ZNF704: variants seen among roughly 807,000 people sequenced by gnomAD.
The protein encoded by ZNF704 is zinc finger protein 704, also known as glucocorticoid induced gene 1.
Under a neutral mutation model 44.7 loss-of-function variants are expected in ZNF704, and 10 were observed. That is an observed-to-expected ratio of 0.22 (90% CI 0.14 to 0.38). ZNF704 has a LOEUF of 0.38. Among genes scored for constraint, ZNF704 ranks in the 10% least tolerant of loss-of-function variants. ZNF704 has a pLI of 1.00. For synonymous variants in ZNF704, 211 were observed against 207.6 expected, an observed-to-expected ratio of 1.02 and a Z score of -0.14; for missense variants, 390 against 545.5, an observed-to-expected ratio of 0.71 and a Z score of 2.84.
At chr8:80,863,703 T>C (rs1435631576) in intron 1 of ZNF704, among the ~76,000 whole-genome samples, 1 of 152,188 alleles carries the variant, frequency 6.6e-6, no homozygotes. Context: ...CGTTGAACAA[T>C]ATCCAATTAG....
At chr8:80,866,991 T>G (rs1586086468) in intron 1 of ZNF704, among the ~76,000 whole-genome samples, 1 of 152,202 alleles carries the variant, frequency 6.6e-6, no homozygotes, top group Non-Finnish European at 1.5e-5. Flanking sequence ...CTCTAATGCT[T>G]GTGTTATGGG....
intron 7 of ZNF704, 119 bp downstream of exon 7, chr8:80,659,466 T>C: frequency 1.2e-6 from 1 of 815,564 alleles, no homozygotes; most frequent in East Asian, 2.5e-5. Context: ...ATTTAAGAAA[T>C]ATAGTACTTC....
At position 80,641,303 on chromosome 8, in the gene ZNF704, C is replaced by T. The variant is rs1224150638; in HGVS notation, c.*63G>A. 2 of 1,154,376 alleles carry T rather than the reference C, an allele frequency of 1.7e-6. No individual in the cohort carries two copies. Among genetic ancestry groups the T allele is most frequent in the Non-Finnish European group, 2.5e-6 (2 of 804,892 alleles). The allele number at this position is 1,154,376 out of a possible 1,614,324, so 71.5% of individuals were successfully genotyped here. Reference sequence around the variant, plus strand: ...TCAGTAGGAAAAGCTCTTTCCAACACCTGCAGTGGCAGGCCAGGGCAGGAG... The same window carrying T: ...TCAGTAGGAAAAGCTCTTTCCAACATCTGCAGTGGCAGGCCAGGGCAGGAG... On this transcript the variant is annotated 3_prime_UTR_variant, in exon 9 of 9. Transcript: ENST00000327835.
At chr8:80,645,203 C>T (rs539454985) in intron 7 of ZNF704, 71 of 1,565,962 alleles carry the variant, frequency 4.5e-5, no homozygotes, top group Admixed American at 2.6e-4. Context: ...TTCAGCCCCG[C>T]GCCGCCAACC....
At chr8:80,864,821 A>C (rs1809127519) in intron 1 of ZNF704, among the ~76,000 whole-genome samples, 1 of 152,212 alleles carries the variant, frequency 6.6e-6, no homozygotes, top group Non-Finnish European at 1.5e-5. Flanking sequence ...CTTTATTTCC[A>C]TAGCAGCTTT....
chr8:80,678,560 A>G (rs1216716272), intron 4 of ZNF704, among the ~76,000 whole-genome samples: 1 of 152,202 alleles, frequency 6.6e-6, no homozygotes, highest in Non-Finnish European at 1.5e-5. Context: ...CAAAGACAGT[A>G]ATTCAAAATA....
intron 1 of ZNF704, among the ~76,000 whole-genome samples, chr8:80,868,106 C>T (rs986551138): frequency 4.6e-5 from 7 of 152,130 alleles, no homozygotes; most frequent in African/African-American, 1.7e-4. Context: ...TTTATTGTAT[C>T]CTTCTTATGT....
chr8:80,778,541 A>G (rs1467479020), intron 2 of ZNF704, among the ~76,000 whole-genome samples: 1 of 152,236 alleles, frequency 6.6e-6, no homozygotes, highest in Non-Finnish European at 1.5e-5. Flanking sequence ...ATTCTACCAT[A>G]AAGACACATG....
At chr8:80,879,527 T>C (rs10112204), upstream of ZNF704, among the ~76,000 whole-genome samples, 126,332 of 152,152 alleles carry the variant, frequency 0.83, 53,062 homozygotes, top group African/African-American at 0.96. Context: ...TGGGACTGGG[T>C]GTCTCTTTTA....
intron 2 of ZNF704, among the ~76,000 whole-genome samples, chr8:80,751,260 C>A (rs1323495682): frequency 6.6e-6 from 1 of 152,036 alleles, no homozygotes; most frequent in African/African-American, 2.4e-5. Flanking sequence ...CCTGGGCCAG[C>A]GTGCTGGTTC....
intron 2 of ZNF704, among the ~76,000 whole-genome samples, chr8:80,745,405 C>T (rs1806827835): frequency 6.6e-6 from 1 of 152,098 alleles, no homozygotes; most frequent in East Asian, 1.9e-4. Flanking sequence ...GTTGGTAGGG[C>T]TGTGGCAATT....
intron 1 of ZNF704, among the ~76,000 whole-genome samples, chr8:80,833,622 C>T (rs1023017555): frequency 6.6e-6 from 1 of 152,162 alleles, no homozygotes; most frequent in South Asian, 2.1e-4. Context: ...CCCTCTGAAA[C>T]CAATGAAGTT....
At chr8:80,859,533 TG>T (rs1259188932) in intron 1 of ZNF704, among the ~76,000 whole-genome samples, 7 of 152,242 alleles carry the variant, frequency 4.6e-5, no homozygotes, top group Non-Finnish European at 1.0e-4. Context: ...ACCTGAATGA[TG>T]GCTCCCACCA....
chr8:80,798,519 T>A (rs908690921), intron 2 of ZNF704, among the ~76,000 whole-genome samples: 3 of 152,208 alleles, frequency 2.0e-5, no homozygotes, highest in African/African-American at 7.2e-5. Flanking sequence ...CCTCCCAAAG[T>A]GCTGGGATTA....
At chr8:80,804,134 C>T (rs959087533) in intron 2 of ZNF704, among the ~76,000 whole-genome samples, 1 of 152,016 alleles carries the variant, frequency 6.6e-6, no homozygotes, top group African/African-American at 2.4e-5. Context: ...AATGAGATAC[C>T]ATCTTACACC....
intron 2 of ZNF704, among the ~76,000 whole-genome samples, chr8:80,815,409 T>G (rs1448535759): frequency 6.6e-6 from 1 of 152,216 alleles, no homozygotes; most frequent in East Asian, 1.9e-4. Flanking sequence ...GATGTTTGGG[T>G]GAAATCCAAC....
At chr8:80,654,163 TC>T (rs1817969670) in intron 7 of ZNF704, among the ~76,000 whole-genome samples, 7 of 151,872 alleles carry the variant, frequency 4.6e-5, no homozygotes, top group Admixed American at 1.3e-4. Flanking sequence ...CTGGATCCCT[TC>T]CTTACACCTT....
intron 1 of ZNF704, among the ~76,000 whole-genome samples, chr8:80,869,147 T>C (rs1809206754): frequency 6.6e-6 from 1 of 152,268 alleles, no homozygotes; most frequent in Non-Finnish European, 1.5e-5. Context: ...AATGAGACTA[T>C]GCACTTGGAT....
intron 2 of ZNF704, among the ~76,000 whole-genome samples, chr8:80,699,720 G>A (rs993012942): frequency 3.3e-5 from 5 of 152,300 alleles, no homozygotes; most frequent in Admixed American, 1.3e-4. Flanking sequence ...ACTTTGAGTA[G>A]CATGAAGCTA....
Sources: allele counts gnomAD v4.1 joint callset (sites outside exome capture counted in the v4.1 genomes callset), GRCh38; gene constraint gnomAD v4.1.1; transcripts MANE v1.5; gene names NCBI Gene and HGNC (gene_info 2026-07-23, HGNC 2026-07-21).